The following RGS6 variants were observed in gnomAD, a reference collection of about 807,000 sequenced individuals.
RGS6 encodes the protein regulator of G-protein signaling 6.
RGS6 carries 30 observed loss-of-function variants against 78.5 expected under a neutral mutation model. The observed-to-expected ratio is 0.38, with a 90% CI of 0.29 to 0.52. RGS6 has a LOEUF of 0.52. Among genes scored for constraint, RGS6 ranks in the 20% least tolerant of loss-of-function variants. RGS6 has a pLI of 0.85. For synonymous variants in RGS6, 206 were observed against 206.0 expected, an observed-to-expected ratio of 1.00 and a Z score of 0.00; for missense variants, 495 against 609.7, an observed-to-expected ratio of 0.81 and a Z score of 1.98.
At chr14:72,383,931 T>C (rs1181327478) in intron 3 of RGS6, among the ~76,000 whole-genome samples, 1 of 152,238 alleles carries the variant, frequency 6.6e-6, no homozygotes, top group East Asian at 1.9e-4. Flanking sequence ...ATTATTTTGT[T>C]GATCTAAGAG....
At chr14:72,117,933 G>T (rs2095943987) in intron 2 of RGS6, among the ~76,000 whole-genome samples, 1 of 152,118 alleles carries the variant, frequency 6.6e-6, no homozygotes, top group South Asian at 2.1e-4. Flanking sequence ...CCTCTGCCCT[G>T]TGACCCACAG....
At chr14:72,025,864 G>C (rs148190847) in intron 2 of RGS6, among the ~76,000 whole-genome samples, 1 of 152,214 alleles carries the variant, frequency 6.6e-6, no homozygotes, top group East Asian at 1.9e-4. Context: ...CCCATGTGTG[G>C]TTATAAAGCC....
the RGS6 span, among the ~76,000 whole-genome samples, chr14:72,619,111 C>T: frequency 1.3e-5 from 2 of 152,192 alleles, no homozygotes; most frequent in African/African-American, 2.4e-5. Context: ...GCTGAAGTTC[C>T]GTACATATCG....
chr14:72,322,951 A>G (rs1415482752), intron 2 of RGS6, among the ~76,000 whole-genome samples: 3 of 152,146 alleles, frequency 2.0e-5, no homozygotes, highest in Admixed American at 6.5e-5. Context: ...TACTGATACA[A>G]CTGCTGAAGA....
At chr14:72,050,201 T>G (rs1185586419) in intron 2 of RGS6, among the ~76,000 whole-genome samples, 1 of 152,174 alleles carries the variant, frequency 6.6e-6, no homozygotes, top group Non-Finnish European at 1.5e-5. Context: ...AAGAATACAT[T>G]GGAACTTGAC....
At chr14:72,438,492 T>C (rs1223153438) in intron 3 of RGS6, among the ~76,000 whole-genome samples, 1 of 152,102 alleles carries the variant, frequency 6.6e-6, no homozygotes, top group Non-Finnish European at 1.5e-5. Context: ...AGCCCAGGTG[T>C]CCTCCCCATC....
chr14:72,242,694 T>G (rs1600274320), intron 2 of RGS6, among the ~76,000 whole-genome samples: 1 of 152,176 alleles, frequency 6.6e-6, no homozygotes, highest in East Asian at 1.9e-4. Context: ...TGAATATATT[T>G]GTTTGGAACT....
intron 2 of RGS6, among the ~76,000 whole-genome samples, chr14:71,974,290 G>T (rs1016943875): frequency 2.0e-5 from 3 of 152,172 alleles, no homozygotes; most frequent in Non-Finnish European, 2.9e-5. Context: ...TAAAAGTTCT[G>T]TTAGTTTGCC....
chr14:72,113,895 G>T (rs948495802), intron 2 of RGS6, among the ~76,000 whole-genome samples: 1 of 152,188 alleles, frequency 6.6e-6, no homozygotes, highest in African/African-American at 2.4e-5. Context: ...GAGGGGTGAA[G>T]AACTGGGGAC....
the RGS6 span, among the ~76,000 whole-genome samples, chr14:71,892,360 C>T: frequency 6.6e-6 from 1 of 152,172 alleles, no homozygotes; most frequent in Non-Finnish European, 1.5e-5. Context: ...GGATAATTGC[C>T]CATAATCTTC....
At chr14:72,037,517 T>C (rs2091888672) in intron 2 of RGS6, among the ~76,000 whole-genome samples, 1 of 152,160 alleles carries the variant, frequency 6.6e-6, no homozygotes, top group Non-Finnish European at 1.5e-5. Flanking sequence ...TCCCAATTCT[T>C]GAAGTCAGTG....
chr14:72,295,598 A>G (rs1271588611), intron 2 of RGS6, among the ~76,000 whole-genome samples: 4 of 152,220 alleles, frequency 2.6e-5, no homozygotes, highest in Admixed American at 2.0e-4. Context: ...TTTTGTTGGT[A>G]TAAAACACCC....
At chr14:72,072,931 G>C (rs1202813328) in intron 2 of RGS6, among the ~76,000 whole-genome samples, 5 of 152,170 alleles carry the variant, frequency 3.3e-5, no homozygotes, top group Admixed American at 3.3e-4. Context: ...GCTGCCTGGG[G>C]ATCACTCCCA....
At chr14:72,348,188 G>T (rs1484061233) in intron 2 of RGS6, among the ~76,000 whole-genome samples, 1 of 152,082 alleles carries the variant, frequency 6.6e-6, no homozygotes, top group Non-Finnish European at 1.5e-5. Flanking sequence ...TGTAACCAAG[G>T]TTTTCTAAAA....
intron 1 of RGS6, among the ~76,000 whole-genome samples, chr14:71,948,740 C>CTTTTTT (rs71305831): frequency 1.5e-5 from 1 of 65,180 alleles, no homozygotes; most frequent in African/African-American, 7.1e-5. Context: ...CTCTCTCTCT[C>CTTTTTT]TTTTTTTTTT....
intron 2 of RGS6, among the ~76,000 whole-genome samples, chr14:72,232,454 C>T (rs763227560): frequency 3.9e-5 from 6 of 151,954 alleles, no homozygotes; most frequent in East Asian, 1.9e-4. Context: ...CTAATATCCA[C>T]GTAACTCAGT....
chr14:72,447,459 C>T (rs535228325), intron 3 of RGS6, among the ~76,000 whole-genome samples: 1 of 152,248 alleles, frequency 6.6e-6, no homozygotes, highest in Admixed American at 6.5e-5. Flanking sequence ...CACCAGAAGA[C>T]ATTTTGAGTT....
chr14:72,077,850 G>C (rs1299426510), intron 2 of RGS6, among the ~76,000 whole-genome samples: 1 of 152,100 alleles, frequency 6.6e-6, no homozygotes, highest in Non-Finnish European at 1.5e-5. Flanking sequence ...TAATTCATGG[G>C]AGAATTTGAA....
At chr14:71,974,063 T>G (rs1422373286) in intron 2 of RGS6, among the ~76,000 whole-genome samples, 1 of 152,176 alleles carries the variant, frequency 6.6e-6, no homozygotes, top group Admixed American at 6.5e-5. Flanking sequence ...TCCCCCTCAT[T>G]TCATTTCAAG....
Sources: allele counts gnomAD v4.1 joint callset (sites outside exome capture counted in the v4.1 genomes callset), GRCh38; gene constraint gnomAD v4.1.1; transcripts MANE v1.5; gene names NCBI Gene and HGNC (gene_info 2026-07-23, HGNC 2026-07-21).